GPBAR1: variants seen among roughly 807,000 people sequenced by gnomAD.
GPBAR1 encodes the protein G protein-coupled bile acid receptor 1, also known as G-protein coupled bile acid receptor 1.
In GPBAR1, 13 loss-of-function variants were observed where a neutral mutation model predicts 13.0. The ratio of observed to expected loss-of-function variants is 1.00; its 90% confidence interval spans 0.65 to 1.59. The LOEUF is 1.59. Among genes scored for constraint, GPBAR1 ranks in the 40% most tolerant of loss-of-function variants. The pLI is 0.00. For missense variants in GPBAR1, 398 were observed against 436.4 expected (o/e 0.91, Z 0.78); for synonymous variants, 193 against 205.2 (o/e 0.94, Z 0.51).
chr2:218,260,451 G>A (rs1690383862), upstream of GPBAR1, among the ~76,000 whole-genome samples: 2 of 152,296 alleles, frequency 1.3e-5, no homozygotes, highest in Admixed American at 1.3e-4. Flanking sequence ...AATTAGAGGT[G>A]GTTTTTCTTG....
Position 218,263,213 on chromosome 2 carries a change from C to G in GPBAR1, c.489C>G (p.Ala163=). ...GCAGCTCCCAGGCTATCTTCCCAGC[C>G]CCCTACCTGTACCTCGAAGTCTATG... ...ANCSSQAIFP[A]PYLYLEVYGL... The change falls in exon 2 of 2, where the codon GCC becomes GCG. Residue 163 remains alanine, a synonymous_variant. Coordinates refer to ENST00000519574, the MANE Select transcript of GPBAR1 (RefSeq NM_170699.3). This position sits in a 1 kb window ranked among gnomAD's most constrained non-coding sequence, Gnocchi z 4.2. 6.2e-7 allele frequency: 1 copy of G among 1,608,898 alleles called. No homozygotes were observed. Among genetic ancestry groups the G allele is most frequent in the Non-Finnish European group, 8.5e-7 (1 of 1,179,850 alleles).
At position 218,262,424 on chromosome 2, in the gene GPBAR1, G is replaced by A. The variant is rs576236393; in HGVS notation, c.-45-256G>A. ...AAAGCTGGCTGGGTGGGGACTGTCC[G>A]AAGGGCAGCCAGCAGTGAGCTCCGG... On this transcript the variant is annotated intron_variant, in intron 1 of 1. Coordinates refer to ENST00000519574, the MANE Select transcript of GPBAR1 (RefSeq NM_170699.3). This position sits in a 1 kb window ranked among gnomAD's most constrained non-coding sequence, Gnocchi z 5.1. The A allele has an allele frequency of 7.7e-6, 3 of 391,036 alleles. No individual in the cohort carries two copies. Among genetic ancestry groups the A allele is most frequent in the African/African-American group, 2.0e-5 (1 of 49,538 alleles). The allele number at this position is 391,036 out of a possible 1,614,324, so 24.2% of individuals were successfully genotyped here.
chr2:218,261,394 G>T (rs1300681101), intron 1 of GPBAR1, among the ~76,000 whole-genome samples, 178 bp downstream of exon 1: 1 of 152,178 alleles, frequency 6.6e-6, no homozygotes, highest in Non-Finnish European at 1.5e-5. Context: ...GGGTTGGGGG[G>T]AATCATTCCG....
upstream of GPBAR1, among the ~76,000 whole-genome samples, chr2:218,260,853 C>T (rs1412978481): frequency 6.6e-6 from 1 of 151,948 alleles, no homozygotes; most frequent in Non-Finnish European, 1.5e-5. Flanking sequence ...TTACTCCGAG[C>T]TGGAGTAGGG....
upstream of GPBAR1, chr2:218,259,653 G>T (rs1479578029): frequency 6.6e-6 from 1 of 152,300 alleles, no homozygotes; most frequent in African/African-American, 2.4e-5. Flanking sequence ...GACTGGCTGT[G>T]CAGAGCTGGC....
chr2:218,262,829 AGCCCTGG>A lies in GPBAR1; in HGVS notation c.108_114del (p.Leu37SerfsTer17). 6.2e-7 allele frequency: 1 copy of A among 1,613,564 alleles called. No homozygotes were observed. Among genetic ancestry groups the A allele is most frequent in the Non-Finnish European group, 8.5e-7 (1 of 1,179,794 alleles). ...TCATCATCACCGCGAACCTGCTCCTAGCCCTGGGCATCGCCTGGGACCGCCGCCTGCG... is the reference window on the plus strand; with the variant it reads ...TCATCATCACCGCGAACCTGCTCCTAGCATCGCCTGGGACCGCCGCCTGCG... On this transcript the variant is annotated frameshift_variant, in exon 2 of 2. Transcript: ENST00000519574. LOFTEE classifies it high-confidence loss of function. This position sits in a 1 kb window ranked among gnomAD's most constrained non-coding sequence, Gnocchi z 5.1.
At position 218,263,043 on chromosome 2, in the gene GPBAR1, C is replaced by T. The variant is rs1690483929; in HGVS notation, c.319C>T (p.His107Tyr). The T allele has an allele frequency of 7.4e-6, 12 of 1,613,840 alleles. No homozygotes were observed. The highest frequency in any genetic ancestry group is 1.0e-5 in the Non-Finnish European group (12 of 1,179,860). Residue 107 changes from histidine to tyrosine, a missense_variant, in exon 2 of 2, where the codon CAC becomes TAC. By Grantham distance (83) the His-to-Tyr change is moderately conservative. Coordinates refer to ENST00000519574, the MANE Select transcript of GPBAR1 (RefSeq NM_170699.3). The surrounding 1 kb of genome is among the most constrained non-coding windows in gnomAD (Gnocchi z 4.2). ...CCTGCTTGCCAACCTCTTGCTGGTG[C>T]ACGGGGAGCGCTACATGGCAGTCCT... is the stretch of plus-strand genomic sequence containing the variant. The part of the protein sequence containing the change: ...LSLLANLLLV[H>Y]GERYMAVLRP...
upstream of GPBAR1, among the ~76,000 whole-genome samples, chr2:218,260,579 T>C (rs1690386460): frequency 6.6e-6 from 1 of 152,056 alleles, no homozygotes; most frequent in East Asian, 1.9e-4. Flanking sequence ...TTGAGAAAAG[T>C]GTGGAATGAC....
chr2:218,263,027 C>A lies in GPBAR1; in HGVS notation c.303C>A (p.Ala101=). 1 of 1,613,860 alleles carries A rather than the reference C, an allele frequency of 6.2e-7. No individual in the cohort carries two copies. Among genetic ancestry groups the A allele is most frequent in the Non-Finnish European group, 8.5e-7 (1 of 1,179,860 alleles). The part of the protein sequence containing the change: ...APNFSFLSLL[A]NLLLVHGERY... ...ACTTCTCCTTCCTCTCCCTGCTTGC[C>A]AACCTCTTGCTGGTGCACGGGGAGC... is the stretch of plus-strand genomic sequence containing the variant. Residue 101 remains alanine (A), a synonymous_variant, in exon 2 of 2, where the codon GCC becomes GCA. Transcript: ENST00000519574. This position sits in a 1 kb window ranked among gnomAD's most constrained non-coding sequence, Gnocchi z 4.2.
rs1234678604 is a variant in GPBAR1 at position 218,262,754 on chromosome 2, C to A, written c.30C>A (p.Pro10=). The A allele has an allele frequency of 1.9e-6, 3 of 1,606,354 alleles. No individual in the cohort carries two copies. Among genetic ancestry groups the A allele is most frequent in the Non-Finnish European group, 2.6e-6 (3 of 1,175,918 alleles). ...CGCCCAACAGCACTGGCGAGGTGCC[C>A]AGCCCCATTCCCAAGGGGGCTTTGG... MTPNSTGEV[P]SPIPKGALGL... The change falls in exon 2 of 2, where the codon CCC becomes CCA. Residue 10 remains proline, a synonymous_variant. Coordinates refer to ENST00000519574, the MANE Select transcript of GPBAR1 (RefSeq NM_170699.3). The surrounding 1 kb of genome is among the most constrained non-coding windows in gnomAD (Gnocchi z 5.1).
rs200340218 is a variant in GPBAR1, at chr2:218,263,444, C to T, written c.720C>T (p.Tyr240=). The change falls in exon 2 of 2, where the codon TAC becomes TAT. Residue 240 remains tyrosine (Y), a synonymous_variant. Transcript: ENST00000519574. The surrounding 1 kb of genome is among the most constrained non-coding windows in gnomAD (Gnocchi z 4.2). ...MLLFGLCWGP[Y]VATLLLSVLA... ...TCTTCGGGCTGTGCTGGGGGCCCTACGTGGCCACACTGCTCCTCTCAGTCC... is the reference window on the plus strand; with the variant it reads ...TCTTCGGGCTGTGCTGGGGGCCCTATGTGGCCACACTGCTCCTCTCAGTCC... The T allele has an allele frequency of 4.3e-5, 69 of 1,602,816 alleles. No individual in the cohort carries two copies. The highest frequency in any genetic ancestry group is 6.8e-5 in the East Asian group (3 of 44,432).
chr2:218,263,539 G>C lies in GPBAR1; in HGVS notation c.815G>C (p.Ser272Thr). 5 of 1,612,308 alleles carry C rather than the reference G, an allele frequency of 3.1e-6. No homozygotes were observed. The highest frequency in any genetic ancestry group is 1.3e-5 in the African/African-American group (1 of 75,034). ...LLSLLSLGSA[S>T]AAAVPVAMGL... ...TCCCTCCTCTCCCTAGGAAGTGCCAGTGCAGCGGCAGTGCCCGTAGCCATG... is the reference window on the plus strand; with the variant it reads ...TCCCTCCTCTCCCTAGGAAGTGCCACTGCAGCGGCAGTGCCCGTAGCCATG... Residue 272 changes from serine to threonine, a missense_variant, in exon 2 of 2, where the codon AGT becomes ACT. Physicochemically the swap from Ser to Thr is moderately conservative, Grantham distance 58 (BLOSUM62 1). Transcript: ENST00000519574. The surrounding 1 kb of genome is among the most constrained non-coding windows in gnomAD (Gnocchi z 4.2).
upstream of GPBAR1, among the ~76,000 whole-genome samples, chr2:218,260,816 T>C (rs965324798): frequency 3.3e-5 from 5 of 152,292 alleles, no homozygotes; most frequent in South Asian, 1.0e-3. Flanking sequence ...ATCATTATTA[T>C]TCATTAACTG....
Position 218,263,541 on chromosome 2 carries a change from G to A in GPBAR1, c.817G>A (p.Ala273Thr). The A allele has an allele frequency of 1.2e-6, 2 of 1,612,276 alleles. No homozygotes were observed. The highest frequency in any genetic ancestry group is 1.7e-4 in the Middle Eastern group (1 of 6,056). ...CCTCCTCTCCCTAGGAAGTGCCAGT[G>A]CAGCGGCAGTGCCCGTAGCCATGGG... ...LSLLSLGSAS[A>T]AAVPVAMGLG... Residue 273 changes from alanine (A) to threonine (T), a missense_variant, in exon 2 of 2, where the codon GCA (alanine) becomes ACA (threonine). Ala to Thr is a moderately conservative substitution (Grantham distance 58, BLOSUM62 0). Transcript: ENST00000519574. This position sits in a 1 kb window ranked among gnomAD's most constrained non-coding sequence, Gnocchi z 4.2.
rs1007042574 is a variant in GPBAR1 at position 218,262,638 on chromosome 2, G to A, written c.-45-42G>A. 17 of 1,388,258 alleles carry A rather than the reference G, an allele frequency of 1.2e-5. 1 individual carries two copies. In the Middle Eastern group the frequency reaches 7.2e-4, roughly 59 times the overall value. The allele number at this position is 1,388,258 out of a possible 1,614,324, so 86.0% of individuals were successfully genotyped here. On this transcript the variant is annotated intron_variant, in intron 1 of 1. Transcript: ENST00000519574. This position sits in a 1 kb window ranked among gnomAD's most constrained non-coding sequence, Gnocchi z 5.1. ...ACATGCTGCCCTGCCAGGAGGACAC[G>A]ACCTGCAGCCCCATCCTAACTCTGG...
upstream of GPBAR1, among the ~76,000 whole-genome samples, chr2:218,260,654 G>A (rs1690387525): frequency 6.6e-6 from 1 of 152,134 alleles, no homozygotes; most frequent in African/African-American, 2.4e-5. Flanking sequence ...TGGGATGGGG[G>A]AGTGAAGATC....
rs1363436719 is a variant in GPBAR1 at position 218,262,717 on chromosome 2, G to T, written c.-8G>T. On this transcript the variant is annotated 5_prime_UTR_variant, in exon 2 of 2. The change creates a new upstream start codon in the 5' untranslated region. Transcript: ENST00000519574. The surrounding 1 kb of genome is among the most constrained non-coding windows in gnomAD (Gnocchi z 5.1). ...CCGCTCCAGGACTCCCCTGTCCCCA[G>T]GACCAAGATGACGCCCAACAGCACT... 6.4e-7 allele frequency: 1 copy of T among 1,570,428 alleles called. No individual in the cohort carries two copies. The highest frequency in any genetic ancestry group is 1.7e-5 in the Admixed American group (1 of 57,336).
intron 1 of GPBAR1, chr2:218,261,931 G>A (rs1287848285): frequency 1.3e-5 from 2 of 152,886 alleles, no homozygotes; most frequent in Non-Finnish European, 2.9e-5. Context: ...ACTCTGCCCA[G>A]ACTCCTCTTC....
chr2:218,262,880 CT>C lies in GPBAR1; in HGVS notation c.158del (p.Phe53SerfsTer3). On this transcript the variant is annotated frameshift_variant, in exon 2 of 2. Transcript: ENST00000519574. LOFTEE classifies it high-confidence loss of function. This position sits in a 1 kb window ranked among gnomAD's most constrained non-coding sequence, Gnocchi z 5.1. ...RRLRSPPAGCFFLSLLLAGLL... is the reference protein window; with the variant it reads ...RRLRSPPAGCXFLSLLLAGLL... Reference sequence around the variant, plus strand: ...GCCTGCGCAGCCCACCTGCTGGCTGCTTCTTCCTGAGCCTACTGCTGGCTGG... The same window carrying C: ...GCCTGCGCAGCCCACCTGCTGGCTGCTCTTCCTGAGCCTACTGCTGGCTGG... The C allele has an allele frequency of 6.2e-7, 1 of 1,613,072 alleles. No homozygotes were observed.
Sources: allele counts gnomAD v4.1 joint callset (sites outside exome capture counted in the v4.1 genomes callset), GRCh38; gene constraint gnomAD v4.1.1; non-coding constraint Gnocchi (gnomAD v3.1); transcripts MANE v1.5; gene names NCBI Gene and HGNC (gene_info 2026-07-23, HGNC 2026-07-21).